Variants in CMSS1 observed in about 807,000 individuals in gnomAD.
CMSS1 encodes the protein protein CMSS1.
CMSS1 carries 33 observed loss-of-function variants against 43.5 expected under a neutral mutation model. That is an observed-to-expected ratio of 0.76 (90% CI 0.57 to 1.01). The LOEUF is 1.01. Ranked by LOEUF, CMSS1 falls within the 50% of genes least tolerant of loss-of-function variation. The pLI, the probability that CMSS1 is intolerant of heterozygous loss-of-function variation, is 0.00. For missense variants in CMSS1, 313 were observed against 326.4 expected, an observed-to-expected ratio of 0.96 and a Z score of 0.32; for synonymous variants, 115 against 117.2, an observed-to-expected ratio of 0.98 and a Z score of 0.12.
chr3:100,116,533 G>T lies in CMSS1; in HGVS notation c.65-30440G>T, dbSNP rs540161105. Among the ~76,000 whole-genome samples, 3 of 152,216 alleles carry T rather than the reference G, an allele frequency of 2.0e-5. No homozygotes were observed. In the East Asian group the frequency reaches 5.8e-4, roughly 29 times the overall value. ...CTTCAAGAAGACCTCCATCCATTAT[G>T]GAAAATGGTATTTAGAAACCAAGAT... On this transcript the variant is annotated intron_variant, in intron 1 of 9. Transcript: ENST00000421999.
At chr3:100,028,898 C>A (rs1382813527) in intron 1 of CMSS1, among the ~76,000 whole-genome samples, 3 of 152,168 alleles carry the variant, frequency 2.0e-5, no homozygotes, top group African/African-American at 7.2e-5. Flanking sequence ...GTGTAACACA[C>A]ACAAAGACAC....
chr3:100,027,428 C>T (rs1685455588), intron 1 of CMSS1, among the ~76,000 whole-genome samples: 1 of 152,146 alleles, frequency 6.6e-6, no homozygotes, highest in African/African-American at 2.4e-5. Flanking sequence ...CTGGGCTGTA[C>T]TTCTTTTGGC....
intron 1 of CMSS1, among the ~76,000 whole-genome samples, chr3:99,914,283 AAGTTTTTTTATTTTTGGAAGACC>A: frequency 6.6e-6 from 1 of 152,328 alleles, no homozygotes; most frequent in East Asian, 1.9e-4. Flanking sequence ...TGAGCAATGG[AAGTTTTTTTATTTTTGGAAGACC>A]AGTGATGCTA....
intron 1 of CMSS1, among the ~76,000 whole-genome samples, chr3:100,084,707 CA>C (rs923156646): frequency 6.6e-6 from 1 of 152,166 alleles, no homozygotes; most frequent in Non-Finnish European, 1.5e-5. Context: ...ATGGATATTA[CA>C]GATCAACCTC....
chr3:99,853,779 C>A (rs1241080305), intron 1 of CMSS1, among the ~76,000 whole-genome samples: 1 of 152,198 alleles, frequency 6.6e-6, no homozygotes, highest in East Asian at 1.9e-4. Flanking sequence ...TTTTCTTGGG[C>A]CACTCTCATG....
chr3:100,125,877 T>C (rs1387370510), intron 1 of CMSS1, among the ~76,000 whole-genome samples: 1 of 152,194 alleles, frequency 6.6e-6, no homozygotes, highest in African/African-American at 2.4e-5. Context: ...CCCTAGGGCA[T>C]GAATGCAGCA....
chr3:99,912,504 G>C (rs565755912), intron 1 of CMSS1, among the ~76,000 whole-genome samples: 129 of 152,238 alleles, frequency 8.5e-4, no homozygotes, highest in African/African-American at 2.8e-3. Context: ...CAGCCGCCCA[G>C]GTAGCTGGGA....
intron 2 of CMSS1, among the ~76,000 whole-genome samples, chr3:100,153,178 T>C (rs1160535976): frequency 6.6e-6 from 1 of 152,238 alleles, no homozygotes; most frequent in African/African-American, 2.4e-5. Flanking sequence ...CAGAATCCTT[T>C]CATGCCACCT....
chr3:99,928,171 C>T (rs913986513), intron 1 of CMSS1, among the ~76,000 whole-genome samples: 6 of 152,206 alleles, frequency 3.9e-5, no homozygotes, highest in Admixed American at 2.0e-4. Flanking sequence ...GAGCACTGCC[C>T]TCCCTTTATT....
intron 1 of CMSS1, among the ~76,000 whole-genome samples, chr3:99,983,460 GTGTGTATATATATA>G (rs1709215605): frequency 1.4e-5 from 1 of 69,492 alleles, no homozygotes; most frequent in African/African-American, 1.0e-4. Flanking sequence ...ATATATATAT[GTGTGTATATATATA>G]TATATATATA....
At chr3:99,995,901 C>T (rs549781402) in intron 1 of CMSS1, among the ~76,000 whole-genome samples, 4 of 152,318 alleles carry the variant, frequency 2.6e-5, no homozygotes, top group South Asian at 2.1e-4. Flanking sequence ...ACCATTTTCT[C>T]GTAGGCCTCT....
intron 1 of CMSS1, among the ~76,000 whole-genome samples, chr3:99,911,235 A>G (rs933103589): frequency 1.3e-5 from 2 of 151,788 alleles, no homozygotes; most frequent in African/African-American, 4.8e-5. Flanking sequence ...AGGAAGTTGT[A>G]CAATAATGGA....
chr3:100,176,024 G>A (rs2067145369), intron 8 of CMSS1, among the ~76,000 whole-genome samples: 1 of 152,202 alleles, frequency 6.6e-6, no homozygotes. Context: ...TGTCAGGAAT[G>A]AGACTATAGC....
chr3:99,903,305 G>A (rs977822874), intron 1 of CMSS1, among the ~76,000 whole-genome samples: 2 of 151,714 alleles, frequency 1.3e-5, no homozygotes, highest in African/African-American at 4.8e-5. Context: ...AGGCTGGAGT[G>A]CAGTGGCGTG....
chr3:99,821,555 G>A (rs1303669694), intron 1 of CMSS1, among the ~76,000 whole-genome samples: 4 of 152,178 alleles, frequency 2.6e-5, no homozygotes, highest in Non-Finnish European at 5.9e-5. Flanking sequence ...TAAACCTTCA[G>A]CAACTGTTTG....
At chr3:99,826,220 A>T (rs528853937) in intron 1 of CMSS1, among the ~76,000 whole-genome samples, 12 of 152,176 alleles carry the variant, frequency 7.9e-5, no homozygotes, top group Non-Finnish European at 1.3e-4. Flanking sequence ...AGAATTCTTA[A>T]TTGATTTTTA....
chr3:99,931,108 G>T, intron 1 of CMSS1: 3 of 1,206,656 alleles, frequency 2.5e-6, no homozygotes, highest in Non-Finnish European at 2.4e-6. Flanking sequence ...GCTTTAACAA[G>T]TCTACATTCT....
At chr3:100,068,784 T>C (rs1187611087) in intron 1 of CMSS1, among the ~76,000 whole-genome samples, 1 of 152,170 alleles carries the variant, frequency 6.6e-6, no homozygotes, top group Non-Finnish European at 1.5e-5. Context: ...CCCACCACCA[T>C]GCCCAGCTAA....
intron 1 of CMSS1, among the ~76,000 whole-genome samples, chr3:100,053,974 T>C (rs959603383): frequency 1.3e-5 from 2 of 152,264 alleles, no homozygotes; most frequent in Non-Finnish European, 2.9e-5. Flanking sequence ...AATTCTATAC[T>C]TTGTTCTTTG....
Sources: allele counts gnomAD v4.1 joint callset (sites outside exome capture counted in the v4.1 genomes callset), GRCh38; gene constraint gnomAD v4.1.1; transcripts MANE v1.5; gene names NCBI Gene and HGNC (gene_info 2026-07-23, HGNC 2026-07-21).